ACYP2: variants seen among roughly 807,000 people sequenced by gnomAD.
ACYP2 encodes acylphosphatase 2.
ACYP2 carries 12 observed loss-of-function variants against 11.2 expected under a neutral mutation model. The observed-to-expected ratio is 1.08, with a 90% CI of 0.69 to 1.74. The LOEUF (loss-of-function observed/expected upper bound fraction) is 1.74. ACYP2 is among the 40% of genes most tolerant of loss of function. The pLI is 0.00. For missense variants in ACYP2, 134 were observed against 101.9 expected, an observed-to-expected ratio of 1.31 and a Z score of -1.35; for synonymous variants, 43 against 32.2, an observed-to-expected ratio of 1.33 and a Z score of -1.13.
rs116312310 is a variant in ACYP2 at position 54,163,137 on chromosome 2, A to G, written c.404+24389A>G. Reference sequence around the variant, plus strand: ...GATATTCTGCCTCTAACAAACTCCCAAACAGTATGGATTTTGCTTGTCCCC... The same window carrying G: ...GATATTCTGCCTCTAACAAACTCCCGAACAGTATGGATTTTGCTTGTCCCC... On this transcript the variant is annotated intron_variant, in intron 6 of 6. Coordinates refer to ENST00000607452, the MANE Select transcript of ACYP2 (RefSeq NM_001320586.2). 5.5e-3 allele frequency among the ~76,000 whole-genome samples: 832 copies of G among 152,316 alleles called. 8 individuals carry two copies. The highest frequency in any genetic ancestry group is 0.019 in the African/African-American group (799 of 41,574).
intron 6 of ACYP2, among the ~76,000 whole-genome samples, chr2:54,204,526 G>A (rs970057905): frequency 5.3e-5 from 8 of 152,028 alleles, no homozygotes; most frequent in African/African-American, 1.9e-4. Context: ...CATATGAAAG[G>A]TCCGATGCCA....
chr2:54,238,481 CTAAG>C (rs771092006), intron 6 of ACYP2, among the ~76,000 whole-genome samples: 58 of 152,116 alleles, frequency 3.8e-4, no homozygotes, highest in Non-Finnish European at 7.1e-4. Flanking sequence ...GAATAACAAA[CTAAG>C]TAAGTCTTTT....
chr2:54,041,455 G>C, intron 2 of ACYP2, among the ~76,000 whole-genome samples: 1 of 152,198 alleles, frequency 6.6e-6, no homozygotes, highest in East Asian at 1.9e-4. Context: ...GTGTGAAATA[G>C]TCACCCAGGA....
chr2:54,095,605 TG>T (rs1348326552), intron 4 of ACYP2, among the ~76,000 whole-genome samples: 12 of 118,950 alleles, frequency 1.0e-4, no homozygotes, highest in African/African-American at 3.7e-4. Flanking sequence ...GCTGGCCGAG[TG>T]GGGGGCTGAC....
At chr2:54,189,945 C>T (rs1684172203) in intron 6 of ACYP2, among the ~76,000 whole-genome samples, 1 of 152,116 alleles carries the variant, frequency 6.6e-6, no homozygotes, top group African/African-American at 2.4e-5. Context: ...TGTGTTTCCC[C>T]AATGATTAGT....
intron 6 of ACYP2, among the ~76,000 whole-genome samples, chr2:54,296,148 A>G (rs698756): frequency 0.59 from 90,118 of 152,036 alleles, 27,868 homozygotes; most frequent in African/African-American, 0.77. Flanking sequence ...AGCAATTACA[A>G]AATGTGATCG....
intron 6 of ACYP2, among the ~76,000 whole-genome samples, chr2:54,171,542 T>C (rs56105740): frequency 0.012 from 1,861 of 152,338 alleles, 43 homozygotes; most frequent in African/African-American, 0.042. Flanking sequence ...GGTTGCTAAA[T>C]ACATTATTAA....
intron 6 of ACYP2, among the ~76,000 whole-genome samples, chr2:54,266,633 T>A (rs1205270267): frequency 8.3e-6 from 1 of 120,558 alleles, no homozygotes; most frequent in Non-Finnish European, 1.7e-5. Flanking sequence ...TGAGACGGAG[T>A]CTCCCTCTGT....
At chr2:54,023,124 A>C (rs1341992323) in intron 2 of ACYP2, among the ~76,000 whole-genome samples, 2 of 152,220 alleles carry the variant, frequency 1.3e-5, no homozygotes, top group African/African-American at 4.8e-5. Context: ...TCCTATACCC[A>C]GCGTGCATAG....
intron 6 of ACYP2, among the ~76,000 whole-genome samples, chr2:54,290,455 G>T (rs1689256537): frequency 6.6e-6 from 1 of 151,942 alleles, no homozygotes; most frequent in Admixed American, 6.6e-5. Flanking sequence ...AGCTTTTTAT[G>T]TTTGCACCTC....
At chr2:54,165,475 T>C (rs987169525) in intron 6 of ACYP2, among the ~76,000 whole-genome samples, 1 of 151,828 alleles carries the variant, frequency 6.6e-6, no homozygotes, top group African/African-American at 2.4e-5. Flanking sequence ...TCTCTCTTTC[T>C]CTGTGTGTGT....
At chr2:54,007,401 G>A (rs1190929237) in intron 2 of ACYP2, among the ~76,000 whole-genome samples, 1 of 151,716 alleles carries the variant, frequency 6.6e-6, no homozygotes, top group Admixed American at 6.6e-5. Flanking sequence ...CTACAGGCAT[G>A]TGCCACCATG....
At chr2:53,985,227 G>T (rs780549475) in intron 2 of ACYP2, among the ~76,000 whole-genome samples, 2 of 151,744 alleles carry the variant, frequency 1.3e-5, no homozygotes, top group East Asian at 1.9e-4. Context: ...CTGCCGCCAC[G>T]CCCAGTTAAC....
chr2:54,178,462 T>G (rs995278653), intron 6 of ACYP2, among the ~76,000 whole-genome samples: 2 of 152,218 alleles, frequency 1.3e-5, no homozygotes, highest in Non-Finnish European at 2.9e-5. Context: ...CTGGCTATAC[T>G]CTGTAGCTGC....
chr2:54,261,175 T>C (rs1473606988), intron 6 of ACYP2, among the ~76,000 whole-genome samples: 1 of 152,220 alleles, frequency 6.6e-6, no homozygotes, highest in Non-Finnish European at 1.5e-5. Context: ...TTGAGTTCAT[T>C]GTGAAGTGTT....
rs566558979 is a variant in ACYP2, at chr2:54,164,509, T to C, written c.404+25761T>C. Among the ~76,000 whole-genome samples the C allele has an allele frequency of 1.4e-4, 22 of 152,046 alleles. No homozygotes were observed. In the South Asian group the frequency reaches 1.5e-3, roughly 10 times the overall value. On this transcript the variant is annotated intron_variant, in intron 6 of 6. Transcript: ENST00000607452. ...TTGGTAGGCACCGGCACTGGGTACATAGGGAAGAGAGAAGACTGCAGGAAA... is the reference window on the plus strand; with the variant it reads ...TTGGTAGGCACCGGCACTGGGTACACAGGGAAGAGAGAAGACTGCAGGAAA...
chr2:54,184,968 C>G (rs904828699), intron 6 of ACYP2, among the ~76,000 whole-genome samples: 9 of 151,932 alleles, frequency 5.9e-5, no homozygotes, highest in African/African-American at 1.7e-4. Flanking sequence ...GCCTCAGCCT[C>G]CCGAGTAGCT....
At chr2:54,027,864 G>A (rs1674382701) in intron 2 of ACYP2, among the ~76,000 whole-genome samples, 1 of 117,192 alleles carries the variant, frequency 8.5e-6, no homozygotes, top group African/African-American at 3.4e-5. Context: ...TTTTGAGACA[G>A]AGTCTCACAC....
chr2:53,998,971 T>C (rs974995313), intron 2 of ACYP2, among the ~76,000 whole-genome samples: 1 of 152,110 alleles, frequency 6.6e-6, no homozygotes, highest in Non-Finnish European at 1.5e-5. Flanking sequence ...ACGGCCACTG[T>C]TCTGAAGTGA....
Sources: allele counts gnomAD v4.1 joint callset (sites outside exome capture counted in the v4.1 genomes callset), GRCh38; gene constraint gnomAD v4.1.1; transcripts MANE v1.5; gene names NCBI Gene and HGNC (gene_info 2026-07-23, HGNC 2026-07-21).